Variants in GRAMD4 observed in about 807,000 individuals in gnomAD.
GRAMD4 encodes GRAM domain-containing protein 4.
In GRAMD4, 25 loss-of-function variants were observed where a neutral mutation model predicts 83.9. The observed-to-expected ratio is 0.30, with a 90% CI of 0.22 to 0.42. GRAMD4 has a LOEUF of 0.42. Among genes scored for constraint, GRAMD4 ranks in the 10% least tolerant of loss-of-function variants. The pLI, the probability that GRAMD4 is intolerant of heterozygous loss-of-function variation, is 1.00. For missense variants in GRAMD4, 593 were observed against 788.7 expected (o/e 0.75, Z 2.97); for synonymous variants, 336 against 320.9 (o/e 1.05, Z -0.50).
In GRAMD4 at chr22:46,658,327, G is replaced by A; in HGVS notation, c.404+20G>A. 2 of 1,584,230 alleles carry A rather than the reference G, an allele frequency of 1.3e-6. No homozygotes were observed. Among genetic ancestry groups the A allele is most frequent in the Non-Finnish European group, 1.7e-6 (2 of 1,167,446 alleles). ...GGCCAGGTACCGCGCCTTCCTCGGGGCCCTGGCCTGTGTGCGGCTGCCCCA... is the reference window on the plus strand; with the variant it reads ...GGCCAGGTACCGCGCCTTCCTCGGGACCCTGGCCTGTGTGCGGCTGCCCCA... On this transcript the variant is annotated intron_variant, in intron 4 of 18. Coordinates refer to ENST00000406902, the MANE Select transcript of GRAMD4 (RefSeq NM_015124.5).
intron 3 of GRAMD4, among the ~76,000 whole-genome samples, chr22:46,643,084 T>TATCCATCGATCCATCCATCC: frequency 2.6e-5 from 2 of 76,416 alleles, no homozygotes; most frequent in African/African-American, 1.3e-4. Context: ...TCTATCCATT[T>TATCCATCGATCCATCCATCC]ATCCATCCAT....
At chr22:46,590,626 G>C (rs2081197639) in intron 1 of GRAMD4, among the ~76,000 whole-genome samples, 1 of 152,248 alleles carries the variant, frequency 6.6e-6, no homozygotes, top group South Asian at 2.1e-4. Flanking sequence ...GCCCAGGTGA[G>C]TGTCAACAGG....
upstream of GRAMD4, chr22:46,577,114 C>T: frequency 5.7e-6 from 1 of 176,898 alleles, no homozygotes; most frequent in Non-Finnish European, 1.1e-5. Flanking sequence ...GACGCGAGCG[C>T]GCGACCTGGC....
chr22:46,673,194 C>T (rs903341109), intron 14 of GRAMD4, among the ~76,000 whole-genome samples, 197 bp downstream of exon 14: 1 of 152,204 alleles, frequency 6.6e-6, no homozygotes, highest in African/African-American at 2.4e-5. Flanking sequence ...CCTCCCAAGC[C>T]CAGGGCAACA....
upstream of GRAMD4, among the ~76,000 whole-genome samples, chr22:46,616,058 C>T (rs111220826): frequency 1.2e-5 from 1 of 83,484 alleles, no homozygotes; most frequent in African/African-American, 4.9e-5. Context: ...CTGTGCGTGT[C>T]GGTTCCCCCG....
intron 13 of GRAMD4, among the ~76,000 whole-genome samples, chr22:46,671,800 C>T (rs983622161): frequency 2.0e-5 from 3 of 152,222 alleles, no homozygotes; most frequent in Non-Finnish European, 2.9e-5. Flanking sequence ...AGCCATTGCA[C>T]TCCAGCCTGG....
intron 3 of GRAMD4, among the ~76,000 whole-genome samples, chr22:46,656,086 G>A (rs544550310): frequency 3.3e-5 from 5 of 152,140 alleles, no homozygotes; most frequent in African/African-American, 9.6e-5. Flanking sequence ...GTCTTCTCCA[G>A]GCCAGCTCAG....
At chr22:46,651,502 G>C (rs966414897) in intron 3 of GRAMD4, among the ~76,000 whole-genome samples, 1 of 152,198 alleles carries the variant, frequency 6.6e-6, no homozygotes, top group African/African-American at 2.4e-5. Flanking sequence ...TTGGCCCCCG[G>C]CAGGTGTGAT....
chr22:46,658,719 C>T (rs1807250673), intron 4 of GRAMD4, among the ~76,000 whole-genome samples: 1 of 152,082 alleles, frequency 6.6e-6, no homozygotes, highest in Non-Finnish European at 1.5e-5. Flanking sequence ...AGCCCGGCCT[C>T]TTAGGATCTT....
At chr22:46,578,846 C>G (rs2081070344) in intron 1 of GRAMD4, among the ~76,000 whole-genome samples, 1 of 151,904 alleles carries the variant, frequency 6.6e-6, no homozygotes, top group Non-Finnish European at 1.5e-5. Context: ...CCATGTGGAC[C>G]CTTCTGCAGC....
At chr22:46,654,467 T>A (rs1179520593) in intron 3 of GRAMD4, among the ~76,000 whole-genome samples, 1 of 152,160 alleles carries the variant, frequency 6.6e-6, no homozygotes, top group Non-Finnish European at 1.5e-5. Context: ...CCTGAGTATT[T>A]CTGACGAAGG....
intron 1 of GRAMD4, among the ~76,000 whole-genome samples, chr22:46,587,455 C>A (rs534556665): frequency 6.6e-5 from 10 of 151,970 alleles, no homozygotes; most frequent in Non-Finnish European, 1.0e-4. Flanking sequence ...GGGTCCTGTT[C>A]CGGCTTCAGT....
intron 17 of GRAMD4, among the ~76,000 whole-genome samples, chr22:46,676,284 G>A (rs373526928): frequency 6.6e-6 from 1 of 152,192 alleles, no homozygotes; most frequent in African/African-American, 2.4e-5. Flanking sequence ...CCCTCCTGGT[G>A]CCAGGCCCTG....
At chr22:46,662,482 T>C (rs1352830278) in intron 5 of GRAMD4, among the ~76,000 whole-genome samples, 1 of 152,254 alleles carries the variant, frequency 6.6e-6, no homozygotes, top group Non-Finnish European at 1.5e-5. Context: ...TGTTCGCTTT[T>C]GGTAAACATT....
intron 3 of GRAMD4, among the ~76,000 whole-genome samples, chr22:46,656,775 T>C (rs962354710): frequency 6.6e-5 from 10 of 152,222 alleles, no homozygotes; most frequent in Admixed American, 1.3e-4. Context: ...CAGGAATATC[T>C]CCTGGGACTC....
chr22:46,604,033 T>C (rs1044031719), intron 1 of GRAMD4, among the ~76,000 whole-genome samples: 1 of 152,236 alleles, frequency 6.6e-6, no homozygotes, highest in Non-Finnish European at 1.5e-5. Context: ...CCCAACGTGA[T>C]TGGTGGAGTG....
In GRAMD4 at chr22:46,626,955, G is replaced by A; in HGVS notation, c.156G>A (p.Arg52=). The A allele has an allele frequency of 1.9e-6, 3 of 1,612,090 alleles. No individual in the cohort carries two copies. The highest frequency in any genetic ancestry group is 2.5e-6 in the Non-Finnish European group (3 of 1,178,238). ...CGCCCCGGGACAGCGAGGAGCTGAGGGACCCTGTGAGTACCTGTCCTCGTC... is the reference window on the plus strand; with the variant it reads ...CGCCCCGGGACAGCGAGGAGCTGAGAGACCCTGTGAGTACCTGTCCTCGTC... The part of the protein sequence containing the change: ...RTSPRDSEEL[R]DPAGPGTLIM... Residue 52 remains arginine, a synonymous_variant, in exon 2 of 19, where the codon AGG becomes AGA. Transcript: ENST00000406902.
chr22:46,617,649 C>T (rs949851013), upstream of GRAMD4, among the ~76,000 whole-genome samples: 2 of 152,160 alleles, frequency 1.3e-5, no homozygotes, highest in Non-Finnish European at 2.9e-5. Flanking sequence ...GTAGGCATCT[C>T]CTGGCCCTCC....
In GRAMD4 at chr22:46,626,374, G is replaced by A. The variant is rs140171986; in HGVS notation, c.-49-377G>A. Among the ~76,000 whole-genome samples the A allele has an allele frequency of 3.2e-4, 48 of 152,356 alleles. 1 individual carries two copies. Among genetic ancestry groups the A allele is most frequent in the Middle Eastern group, 3.4e-3 (1 of 294 alleles). ...CATTCTTCCCTTGCGCCTGCGCGCCGCCTCGCCGAGCCAGGCTGAGAACCC... is the reference window on the plus strand; with the variant it reads ...CATTCTTCCCTTGCGCCTGCGCGCCACCTCGCCGAGCCAGGCTGAGAACCC... On this transcript the variant is annotated intron_variant, in intron 1 of 18. Transcript: ENST00000406902.
Sources: allele counts gnomAD v4.1 joint callset (sites outside exome capture counted in the v4.1 genomes callset), GRCh38; gene constraint gnomAD v4.1.1; transcripts MANE v1.5; gene names NCBI Gene and HGNC (gene_info 2026-07-23, HGNC 2026-07-21).